Variants in MSH4 observed in about 807,000 individuals in gnomAD.
The protein encoded by MSH4 is mutS homolog 4, also known as mutS protein homolog 4.
MSH4 carries 106 observed loss-of-function variants against 113.7 expected under a neutral mutation model. That is an observed-to-expected ratio of 0.93 (90% confidence interval 0.80 to 1.10). MSH4 has a LOEUF of 1.10. MSH4 is among the 50% of genes least tolerant of loss of function. MSH4 has a pLI of 0.00. For synonymous variants in MSH4, 368 were observed against 380.2 expected, an observed-to-expected ratio of 0.97 and a Z score of 0.37; for missense variants, 1,061 against 1,093.7, an observed-to-expected ratio of 0.97 and a Z score of 0.42.
intron 15 of MSH4, among the ~76,000 whole-genome samples, chr1:75,887,484 A>G (rs1260109376): frequency 1.3e-5 from 2 of 152,146 alleles, no homozygotes; most frequent in South Asian, 2.1e-4. Flanking sequence ...AGTGTTCACT[A>G]TGCCCATCAC....
chr1:75,906,911 G>A (rs911022770), intron 19 of MSH4, among the ~76,000 whole-genome samples: 2 of 149,036 alleles, frequency 1.3e-5, no homozygotes, highest in Admixed American at 6.8e-5. Flanking sequence ...TTGGCTCACT[G>A]CAAGCTCTGC....
intron 4 of MSH4, among the ~76,000 whole-genome samples, chr1:75,814,554 A>G (rs1040581746): frequency 1.5e-4 from 23 of 152,316 alleles, no homozygotes; most frequent in African/African-American, 5.5e-4. Context: ...TGGTGTTTTC[A>G]TCTTTTCACC....
At chr1:75,904,485 A>G (rs1652578082) in intron 19 of MSH4, among the ~76,000 whole-genome samples, 1 of 151,638 alleles carries the variant, frequency 6.6e-6, no homozygotes, top group Non-Finnish European at 1.5e-5. Context: ...CAGTGAAGTC[A>G]TCAGGTACTG....
chr1:75,800,880 C>T (rs1649919705), intron 1 of MSH4, among the ~76,000 whole-genome samples: 3 of 152,082 alleles, frequency 2.0e-5, no homozygotes, highest in African/African-American at 7.2e-5. Flanking sequence ...CTTATGCTGT[C>T]CGATGTGGTA....
intron 17 of MSH4, among the ~76,000 whole-genome samples, chr1:75,893,523 G>T (rs374450763): frequency 2.0e-5 from 3 of 152,112 alleles, no homozygotes; most frequent in Non-Finnish European, 4.4e-5. Context: ...CCACTTCACC[G>T]CATCTGAGGG....
At chr1:75,829,054 A>G (rs797012200) in intron 7 of MSH4, among the ~76,000 whole-genome samples, 23 of 152,264 alleles carry the variant, frequency 1.5e-4, no homozygotes, top group African/African-American at 5.3e-4. Flanking sequence ...GCCATGACAG[A>G]CAGTACCTGG....
chr1:75,843,149 G>A (rs974635627), intron 7 of MSH4, among the ~76,000 whole-genome samples: 78 of 152,144 alleles, frequency 5.1e-4, no homozygotes, highest in Non-Finnish European at 8.5e-4. Flanking sequence ...CGTGACCCAC[G>A]TGACCTTACC....
chr1:75,834,725 A>G (rs911966687), intron 7 of MSH4, among the ~76,000 whole-genome samples: 4 of 152,198 alleles, frequency 2.6e-5, no homozygotes, highest in African/African-American at 9.7e-5. Flanking sequence ...GTGGGAAGTG[A>G]ACAATGAGAA....
Position 75,803,761 on chromosome 1 carries a change from C to A in MSH4, c.275C>A (p.Ala92Glu). The A allele has an allele frequency of 6.3e-7, 1 of 1,589,330 alleles. No individual in the cohort carries two copies. The highest frequency in any genetic ancestry group is 8.5e-7 in the Non-Finnish European group (1 of 1,171,934). ...GSYFGNKRAY[A>E]ENTVASNFTF... ...TACTTTGGAAACAAAAGAGCTTATG[C>A]AGAAAACACAGTTGCATCAAATTTT... The change falls in exon 2 of 20, where the codon GCA (alanine) becomes GAA (glutamate). Residue 92 changes from alanine (A) to glutamate (E), a missense_variant. Ala to Glu is a moderately radical substitution (Grantham distance 107). Coordinates refer to ENST00000263187, the MANE Select transcript of MSH4 (RefSeq NM_002440.4).
At chr1:75,870,870 TAAATCACCAGAA>T (rs1256699895) in intron 9 of MSH4, among the ~76,000 whole-genome samples, 1 of 152,160 alleles carries the variant, frequency 6.6e-6, no homozygotes, top group African/African-American at 2.4e-5. Context: ...ATAAATGGAA[TAAATCACCAGAA>T]AAATATTGAG....
intron 19 of MSH4, among the ~76,000 whole-genome samples, chr1:75,904,130 T>A (rs987202806): frequency 6.6e-6 from 1 of 152,154 alleles, no homozygotes; most frequent in African/African-American, 2.4e-5. Context: ...GATCACATGG[T>A]TTTTGTCCTT....
At chr1:75,869,043 A>G (rs1651651897) in intron 9 of MSH4, among the ~76,000 whole-genome samples, 2 of 152,222 alleles carry the variant, frequency 1.3e-5, no homozygotes, top group South Asian at 4.1e-4. Context: ...CTCAGAAGAC[A>G]GGAAGTTGTA....
chr1:75,885,425 T>C (rs1652053679), intron 15 of MSH4, among the ~76,000 whole-genome samples: 1 of 106,286 alleles, frequency 9.4e-6, no homozygotes, highest in South Asian at 2.7e-4. Context: ...CCTCAGTTGG[T>C]ATCCTGAGTG....
chr1:75,839,088 A>G (rs979246165), intron 7 of MSH4, among the ~76,000 whole-genome samples: 34 of 152,202 alleles, frequency 2.2e-4, no homozygotes, highest in African/African-American at 8.0e-4. Flanking sequence ...TTGTATGATA[A>G]AATTTTGATG....
chr1:75,883,547 A>G, intron 14 of MSH4, 74 bp from the exon 15 acceptor site: 1 of 1,171,964 alleles, frequency 8.5e-7, no homozygotes, highest in East Asian at 2.5e-5. Context: ...AGATATAGAC[A>G]ATACATACAC....
chr1:75,821,307 T>G (rs1269735932), intron 6 of MSH4, among the ~76,000 whole-genome samples: 3 of 151,958 alleles, frequency 2.0e-5, no homozygotes, highest in African/African-American at 4.8e-5. Context: ...GAATGACTAC[T>G]GGGTACATAA....
intron 7 of MSH4, among the ~76,000 whole-genome samples, chr1:75,830,123 C>T (rs916944900): frequency 5.9e-5 from 9 of 151,942 alleles, no homozygotes; most frequent in South Asian, 2.1e-4. Context: ...AACCGTGGCA[C>T]GAGAACTTCT....
At chr1:75,797,719 G>A (rs1339467067) in intron 1 of MSH4, among the ~76,000 whole-genome samples, 2 of 152,166 alleles carry the variant, frequency 1.3e-5, no homozygotes, top group African/African-American at 4.8e-5. Context: ...ATCACTTGAG[G>A]CCGGGAGTTC....
rs538084674 is a variant in MSH4 at position 75,886,033 on chromosome 1, G to A, written c.2107+2212G>A. On this transcript the variant is annotated intron_variant, in intron 15 of 19. Coordinates refer to ENST00000263187, the MANE Select transcript of MSH4 (RefSeq NM_002440.4). ...ATATATGATGTATTATATATAGCAT[G>A]TATAGTATATATGATGTATTATATA... 3.5e-4 allele frequency among the ~76,000 whole-genome samples: 25 copies of A among 71,356 alleles called. 1 individual carries two copies. The highest frequency in any genetic ancestry group is 1.5e-3 in the East Asian group (4 of 2,704). 46.8% of individuals were successfully genotyped at this position (71,356 alleles called of 152,430 possible).
Sources: allele counts gnomAD v4.1 joint callset (sites outside exome capture counted in the v4.1 genomes callset), GRCh38; gene constraint gnomAD v4.1.1; transcripts MANE v1.5; gene names NCBI Gene and HGNC (gene_info 2026-07-23, HGNC 2026-07-21).